The following PLB1 variants were observed in gnomAD, a reference collection of about 807,000 sequenced individuals.
PLB1 encodes the protein phospholipase B1, also known as phospholipase B1, membrane-associated.
Under a neutral mutation model 227.4 loss-of-function variants are expected in PLB1, and 242 were observed. The observed-to-expected ratio is 1.06, with a 90% confidence interval of 0.96 to 1.18. The LOEUF is 1.18. Ranked by LOEUF, PLB1 falls within the 50% of genes most tolerant of loss-of-function variation. The pLI is 0.00. For synonymous variants in PLB1, 757 were observed against 682.2 expected (o/e 1.11, Z -1.71); for missense variants, 1,858 against 1,816.3 (o/e 1.02, Z -0.42).
chr2:28,612,920 AT>A (rs36059309), intron 43 of PLB1, among the ~76,000 whole-genome samples: 18,145 of 141,626 alleles, frequency 0.13, 1,214 homozygotes, highest in African/African-American at 0.19. Flanking sequence ...GCCCAGACTA[AT>A]TTTTTTTTTT....
chr2:28,598,590 C>T (rs750634658), intron 34 of PLB1, 62 bp from the exon 35 acceptor site: 24 of 1,331,392 alleles, frequency 1.8e-5, no homozygotes, highest in Middle Eastern at 3.6e-4. Context: ...CCCACAGTAC[C>T]AGAGAAGCTA....
chr2:28,578,257 A>T lies in PLB1; in HGVS notation c.1485+99A>T, dbSNP rs538660244. The T allele has an allele frequency of 2.6e-6, 3 of 1,135,908 alleles. No homozygotes were observed. In the East Asian group the frequency reaches 7.2e-5, roughly 27 times the overall value. 70.4% of individuals were successfully genotyped at this position (1,135,908 alleles called of 1,614,324 possible). ...GGTTGGGAGCCCGGCTTGGGTTTCT[A>T]GCAGACACATCTGAAGCCTAAAACA... On this transcript the variant is annotated intron_variant, in intron 22 of 57. Transcript: ENST00000327757.
intron 6 of PLB1, among the ~76,000 whole-genome samples, chr2:28,528,640 G>A (rs1044719165): frequency 2.6e-5 from 4 of 152,302 alleles, no homozygotes; most frequent in African/African-American, 4.8e-5. Context: ...TGGGCAGCTC[G>A]CTTGATTTTT....
rs1331349707 is a variant in PLB1, at chr2:28,589,786, AG to A, written c.2016+18del. On this transcript the variant is annotated intron_variant, in intron 28 of 57. Coordinates refer to ENST00000327757, the MANE Select transcript of PLB1 (RefSeq NM_153021.5). ...GAACAATATGGTAAGTGGCTGCGGT[AG>A]GAAAATGCATCCTCCCTCTGGTAAG... 6.2e-7 allele frequency: 1 copy of A among 1,603,090 alleles called. No individual in the cohort carries two copies. The highest frequency in any genetic ancestry group is 1.7e-5 in the Admixed American group (1 of 60,022).
At chr2:28,606,849 A>C (rs951705596) in intron 43 of PLB1, among the ~76,000 whole-genome samples, 4 of 152,104 alleles carry the variant, frequency 2.6e-5, no homozygotes, top group Non-Finnish European at 4.4e-5. Flanking sequence ...CTCCTGAGAG[A>C]GGAAATCAGG....
intron 25 of PLB1, among the ~76,000 whole-genome samples, chr2:28,583,586 C>T (rs542701081): frequency 3.3e-5 from 5 of 152,294 alleles, no homozygotes; most frequent in South Asian, 2.1e-4. Flanking sequence ...GTGCACAGCA[C>T]GCAGTTTATT....
Position 28,550,024 on chromosome 2 carries a change from G to T in PLB1, c.1023G>T (p.Leu341=). The T allele has an allele frequency of 6.2e-7, 1 of 1,613,222 alleles. No homozygotes were observed. Among genetic ancestry groups the T allele is most frequent in the Non-Finnish European group, 8.5e-7 (1 of 1,179,332 alleles). The change falls in exon 16 of 58, where the codon CTG becomes CTT. Residue 341 remains leucine, a synonymous_variant. Transcript: ENST00000327757. ...MKCPSQESPY[L]FSYRNSNYLT... is the part of the protein sequence containing the mutation. Reference sequence around the variant, plus strand: ...TTTCCCTGCAGGAGAGCCCCTATCTGTTCAGCTACAGAAACAGCAACTACC... The same window carrying T: ...TTTCCCTGCAGGAGAGCCCCTATCTTTTCAGCTACAGAAACAGCAACTACC...
chr2:28,585,489 C>T lies in PLB1; in HGVS notation c.1734-272C>T, dbSNP rs541177578. The T allele has an allele frequency of 3.5e-4, 119 of 343,182 alleles. 1 individual carries two copies. The East Asian group carries it at 7.0e-3, about 20-fold the overall frequency. The allele number at this position is 343,182 out of a possible 1,614,324, so 21.3% of individuals were successfully genotyped here. A position where few individuals can be genotyped will look rare whatever the true frequency, so the allele number is the denominator to read the frequency against. On this transcript the variant is annotated intron_variant, in intron 25 of 57. Transcript: ENST00000327757. The stretch of plus-strand genomic sequence containing the variant: ...ACGGGGTTTCGCTATGTCAGCCAGC[C>T]TGGTCTTGAACTCCTGACCTCAAGT...
chr2:28,522,561 C>A (rs756088835), intron 4 of PLB1, among the ~76,000 whole-genome samples: 2 of 152,214 alleles, frequency 1.3e-5, no homozygotes, highest in East Asian at 3.9e-4. Flanking sequence ...ACACTTGCCA[C>A]AGGACTCTCG....
At chr2:28,593,901 A>G in intron 33 of PLB1, 147 bp downstream of exon 33, 1 of 760,130 alleles carries the variant, frequency 1.3e-6, no homozygotes, top group South Asian at 1.5e-5. Context: ...ATTTCTGCAA[A>G]ATGTGAACAT....
intron 54 of PLB1, 41 bp from the exon 55 acceptor site, chr2:28,631,995 C>A (rs1688693631): frequency 1.3e-6 from 2 of 1,540,962 alleles, no homozygotes; most frequent in South Asian, 2.2e-5. Flanking sequence ...GTCTGTGCAG[C>A]CTTGCCAGGA....
chr2:28,615,531 G>A (rs1161793527), intron 44 of PLB1, among the ~76,000 whole-genome samples: 3 of 152,188 alleles, frequency 2.0e-5, no homozygotes, highest in African/African-American at 4.8e-5. Context: ...GCTCTGGGGT[G>A]CAAGCAATAC....
chr2:28,516,345 G>T (rs774940918), intron 1 of PLB1, among the ~76,000 whole-genome samples: 1 of 152,150 alleles, frequency 6.6e-6, no homozygotes, highest in Non-Finnish European at 1.5e-5. Context: ...GTACAGTCAT[G>T]GCTGCTAGGA....
chr2:28,553,843 AAATT>A (rs1674609101), intron 17 of PLB1, among the ~76,000 whole-genome samples: 1 of 152,174 alleles, frequency 6.6e-6, no homozygotes, highest in South Asian at 2.1e-4. Flanking sequence ...AAAAAACAGA[AAATT>A]AAGTTTGGGG....
chr2:28,543,198 T>TTAAA lies in PLB1; in HGVS notation c.880-14_880-13insTAAA. ...GGAGACAAAAGGTCCCGCTGTCAAC[T>TTAAA]GGTTCTCTTTTAGGAGGACCCCCGA... On this transcript the variant is annotated splice_polypyrimidine_tract_variant and intron_variant, in intron 13 of 57. Coordinates refer to ENST00000327757, the MANE Select transcript of PLB1 (RefSeq NM_153021.5). The TTAAA allele has an allele frequency of 6.2e-7, 1 of 1,605,068 alleles. No homozygotes were observed. The highest frequency in any genetic ancestry group is 8.5e-7 in the Non-Finnish European group (1 of 1,176,060).
At chr2:28,596,649 G>A (rs10194430) in intron 33 of PLB1, among the ~76,000 whole-genome samples, 69,160 of 152,064 alleles carry the variant, frequency 0.45, 16,550 homozygotes, top group Non-Finnish European at 0.55. Flanking sequence ...AGAAGGATTA[G>A]AAAGCAACAG....
intron 21 of PLB1, among the ~76,000 whole-genome samples, chr2:28,576,141 A>G (rs1292304216): frequency 1.3e-5 from 2 of 152,202 alleles, no homozygotes; most frequent in African/African-American, 2.4e-5. Flanking sequence ...CTTTCATGCA[A>G]GCAATCCAAG....
At chr2:28,620,238 C>G (rs777892182) in intron 46 of PLB1, 27 bp from the exon 47 acceptor site, 3 of 1,558,792 alleles carry the variant, frequency 1.9e-6, no homozygotes, top group Non-Finnish European at 2.6e-6. Context: ...ATACCCCAGC[C>G]CTGAACTTTC....
intron 17 of PLB1, 63 bp from the exon 18 acceptor site, chr2:28,562,978 G>T: frequency 6.9e-7 from 1 of 1,445,614 alleles, no homozygotes; most frequent in East Asian, 2.3e-5. Context: ...TTGTTTCAGA[G>T]TAGATGGGTC....
Sources: allele counts gnomAD v4.1 joint callset (sites outside exome capture counted in the v4.1 genomes callset), GRCh38; gene constraint gnomAD v4.1.1; transcripts MANE v1.5; gene names NCBI Gene and HGNC (gene_info 2026-07-23, HGNC 2026-07-21).